Variants in ELMO1 observed in about 807,000 individuals in gnomAD.
ELMO1 encodes the protein engulfment and cell motility 1.
A neutral mutation model predicts 98.9 loss-of-function variants in ELMO1; 26 were observed. The ratio of observed to expected loss-of-function variants is 0.26; its 90% CI spans 0.19 to 0.36. The LOEUF is 0.36. ELMO1 is among the 10% of genes least tolerant of loss of function. ELMO1 has a pLI of 1.00. For synonymous variants in ELMO1, 346 were observed against 346.0 expected (o/e 1.00, Z 0.00); for missense variants, 627 against 935.2 (o/e 0.67, Z 4.30).
intron 1 of ELMO1, among the ~76,000 whole-genome samples, chr7:37,447,231 G>A (rs1805654491): frequency 6.6e-6 from 1 of 152,168 alleles, no homozygotes; most frequent in Non-Finnish European, 1.5e-5. Context: ...TTTTATAGAA[G>A]CAAAAGAGAA....
chr7:37,414,201 T>C (rs75677495), intron 1 of ELMO1, among the ~76,000 whole-genome samples: 11,422 of 152,258 alleles, frequency 0.075, 598 homozygotes, highest in Non-Finnish European at 0.096. Flanking sequence ...GAAAACATTA[T>C]TTGATATTAG....
intron 7 of ELMO1, among the ~76,000 whole-genome samples, chr7:37,233,675 A>G (rs966253137): frequency 6.6e-6 from 1 of 152,182 alleles, no homozygotes; most frequent in Admixed American, 6.5e-5. Flanking sequence ...TATTACCCAT[A>G]CACATCCAAA....
chr7:36,943,132 CTG>C (rs2129096896), intron 16 of ELMO1, among the ~76,000 whole-genome samples: 1 of 152,338 alleles, frequency 6.6e-6, no homozygotes, highest in East Asian at 1.9e-4. Flanking sequence ...GTTCCCACAT[CTG>C]TACACTGGGG....
intron 13 of ELMO1, among the ~76,000 whole-genome samples, chr7:37,179,198 G>A (rs1289355617): frequency 4.6e-5 from 7 of 151,748 alleles, no homozygotes; most frequent in Non-Finnish European, 8.8e-5. Context: ...TTTTTTCTTA[G>A]AGGGAACAGA....
At position 36,894,977 on chromosome 7, in the gene ELMO1, G is replaced by C. The variant is rs372182988; in HGVS notation, c.1478C>G (p.Thr493Arg). 2 of 1,614,018 alleles carry C rather than the reference G, an allele frequency of 1.2e-6. No individual in the cohort carries two copies. The highest frequency in any genetic ancestry group is 2.2e-5 in the South Asian group (2 of 91,076). ...VVKEQVMRAL[T>R]TKPSSLDQFK... is the part of the protein sequence containing the mutation. ...CTGGTCCAGGGAGCTAGGCTTGGTT[G>C]TAAGTGCTCTCATAACCTGCTCCTT... Residue 493 changes from threonine to arginine, a missense_variant, in exon 17 of 22, where the codon ACA becomes AGA. Around this residue, in one of 3 missense-constraint regions of ELMO1, gnomAD observed 492 missense variants for 715.6 expected, o/e 0.69. Coordinates refer to ENST00000310758, the MANE Select transcript of ELMO1 (RefSeq NM_014800.11).
chr7:36,907,882 A>G lies in ELMO1; in HGVS notation c.1438-12865T>C, dbSNP rs80079969. Among the ~76,000 whole-genome samples, 793 of 152,336 alleles carry G rather than the reference A, an allele frequency of 5.2e-3. 3 individuals are homozygous for G. The highest frequency in any genetic ancestry group is 0.018 in the African/African-American group (745 of 41,570). ...CACCAATCCGCTAAATTTGGCATTC[A>G]CAATGGCACTATCCTCCATCTCCTA... On this transcript the variant is annotated intron_variant, in intron 16 of 21. Coordinates refer to ENST00000310758, the MANE Select transcript of ELMO1 (RefSeq NM_014800.11).
At position 36,878,262 on chromosome 7, in the gene ELMO1, G is replaced by A. The variant is rs1443318213; in HGVS notation, c.1715-145C>T. On this transcript the variant is annotated intron_variant, in intron 18 of 21. Transcript: ENST00000310758. ...GAGGAAGAATGAATTCTAGGGCCCTGGGCAATAAATTCCCTTTTGACTTTA... is the reference window on the plus strand; with the variant it reads ...GAGGAAGAATGAATTCTAGGGCCCTAGGCAATAAATTCCCTTTTGACTTTA... The A allele has an allele frequency of 1.6e-5, 10 of 630,906 alleles. No individual in the cohort carries two copies. The East Asian group carries it at 2.5e-4, about 16-fold the overall frequency. The allele number at this position is 630,906 out of a possible 1,614,324, so 39.1% of individuals were successfully genotyped here.
intron 16 of ELMO1, among the ~76,000 whole-genome samples, chr7:36,911,670 A>C (rs1323724587): frequency 6.6e-6 from 1 of 152,232 alleles, no homozygotes; most frequent in African/African-American, 2.4e-5. Flanking sequence ...GTGTCTACCA[A>C]GAAGCCAGAC....
chr7:37,307,095 C>T (rs943497180), intron 4 of ELMO1, among the ~76,000 whole-genome samples: 1 of 152,192 alleles, frequency 6.6e-6, no homozygotes, highest in Non-Finnish European at 1.5e-5. Flanking sequence ...ACTGTCAAAT[C>T]TGGGCAAATC....
At chr7:37,167,834 G>A (rs1336792283) in intron 13 of ELMO1, among the ~76,000 whole-genome samples, 17 of 147,632 alleles carry the variant, frequency 1.2e-4, no homozygotes, top group Admixed American at 2.7e-4. Context: ...TGCTCTTCTC[G>A]AGGAGTATCT....
chr7:37,389,583 G>A (rs938562651), intron 1 of ELMO1, among the ~76,000 whole-genome samples: 8 of 152,092 alleles, frequency 5.3e-5, no homozygotes, highest in African/African-American at 9.7e-5. Context: ...GTCTCGAATC[G>A]TCCAGGTAGA....
chr7:37,435,258 T>C (rs941664223), intron 1 of ELMO1: 2 of 152,220 alleles, frequency 1.3e-5, no homozygotes, highest in African/African-American at 4.8e-5. Flanking sequence ...CCAAATCAAA[T>C]GCTGGAACAA....
intron 13 of ELMO1, among the ~76,000 whole-genome samples, chr7:37,198,433 TA>T (rs1449931135): frequency 6.6e-6 from 1 of 152,204 alleles, no homozygotes. Context: ...TCTCAGAACT[TA>T]ACATCAATTA....
At chr7:37,213,919 G>A (rs67643884) in intron 11 of ELMO1, among the ~76,000 whole-genome samples, 2,226 of 152,326 alleles carry the variant, frequency 0.015, 56 homozygotes, top group African/African-American at 0.047. Flanking sequence ...AAAAGTTTTA[G>A]AAGGAACACA....
chr7:36,896,137 T>C (rs1805979950), intron 16 of ELMO1, among the ~76,000 whole-genome samples: 1 of 152,188 alleles, frequency 6.6e-6, no homozygotes, highest in Admixed American at 6.5e-5. Flanking sequence ...CTGCTATATG[T>C]TGAATTCTGT....
At chr7:37,088,476 C>A (rs1469924710) in intron 15 of ELMO1, among the ~76,000 whole-genome samples, 5 of 152,184 alleles carry the variant, frequency 3.3e-5, no homozygotes, top group Non-Finnish European at 4.4e-5. Flanking sequence ...ATTTCTTCCA[C>A]AAATAGTGCA....
chr7:37,000,960 C>T (rs1490855728), intron 16 of ELMO1, among the ~76,000 whole-genome samples: 1 of 152,018 alleles, frequency 6.6e-6, no homozygotes, highest in Non-Finnish European at 1.5e-5. Flanking sequence ...CACACACACA[C>T]ACACGTTTTT....
At chr7:37,369,672 TAAAA>T (rs74272020) in intron 1 of ELMO1, among the ~76,000 whole-genome samples, 55 of 124,230 alleles carry the variant, frequency 4.4e-4, no homozygotes, top group South Asian at 2.5e-4. Flanking sequence ...GCCCAAAATG[TAAAA>T]AAAAAAAAAA....
At chr7:37,267,767 G>A (rs1162111818) in intron 5 of ELMO1, among the ~76,000 whole-genome samples, 1 of 152,066 alleles carries the variant, frequency 6.6e-6, no homozygotes, top group Non-Finnish European at 1.5e-5. Flanking sequence ...CTTGTTCATA[G>A]CTTTTGGCAG....
Sources: gnomAD v4.1 joint callset for allele counts (sites outside exome capture counted in the v4.1 genomes callset) on GRCh38, gnomAD v4.1.1 for gene constraint, gnomAD v4.1.1 regional missense constraint, MANE v1.5 for transcripts, NCBI Gene and HGNC (gene_info 2026-07-23, HGNC 2026-07-21) for gene names.